OPCML: variants seen among roughly 807,000 people sequenced by gnomAD.
OPCML encodes the protein opioid-binding protein/cell adhesion molecule.
A neutral mutation model predicts 37.8 loss-of-function variants in OPCML; 13 were observed. That is an observed-to-expected ratio of 0.34 (90% CI 0.22 to 0.55). OPCML has a LOEUF of 0.55. OPCML is among the 20% of genes least tolerant of loss of function. OPCML has a pLI of 0.91. For missense variants in OPCML, 341 were observed against 435.6 expected (o/e 0.78, Z 1.93); for synonymous variants, 176 against 168.8 (o/e 1.04, Z -0.33).
chr11:133,412,155 A>C (rs1945665292), intron 1 of OPCML, among the ~76,000 whole-genome samples: 1 of 152,238 alleles, frequency 6.6e-6, no homozygotes, highest in South Asian at 2.1e-4. Flanking sequence ...CTCTGGAACT[A>C]GTAACTCCAA....
At chr11:133,500,865 G>T (rs1030084597) in intron 1 of OPCML, among the ~76,000 whole-genome samples, 7 of 152,152 alleles carry the variant, frequency 4.6e-5, no homozygotes, top group African/African-American at 1.7e-4. Context: ...AAGAAGGCAG[G>T]AAAGTAGAGA....
intron 2 of OPCML, among the ~76,000 whole-genome samples, chr11:132,812,093 C>A (rs1054126073): frequency 6.6e-6 from 1 of 152,172 alleles, no homozygotes; most frequent in African/African-American, 2.4e-5. Flanking sequence ...TGTGCACCAG[C>A]TTCTTCAGGG....
At chr11:132,845,433 G>A (rs1941484100) in intron 2 of OPCML, among the ~76,000 whole-genome samples, 1 of 152,146 alleles carries the variant, frequency 6.6e-6, no homozygotes, top group South Asian at 2.1e-4. Flanking sequence ...TTAAAAATCT[G>A]TGGAATCATT....
chr11:132,640,770 C>T (rs938217507), intron 3 of OPCML, among the ~76,000 whole-genome samples: 1 of 152,096 alleles, frequency 6.6e-6, no homozygotes, highest in African/African-American at 2.4e-5. Flanking sequence ...AAAGCCTGAG[C>T]TCATATGACA....
chr11:132,762,218 C>T (rs572429548), intron 2 of OPCML, among the ~76,000 whole-genome samples: 1 of 152,314 alleles, frequency 6.6e-6, no homozygotes, highest in East Asian at 1.9e-4. Flanking sequence ...AAGATGCCAG[C>T]TGGAGCTCTC....
At chr11:132,656,096 C>T (rs1436707779) in intron 3 of OPCML, among the ~76,000 whole-genome samples, 1 of 152,118 alleles carries the variant, frequency 6.6e-6, no homozygotes, top group African/African-American at 2.4e-5. Flanking sequence ...CCACCCGAAC[C>T]TTTCATTTGG....
At chr11:132,523,534 C>A (rs866846258) in intron 4 of OPCML, among the ~76,000 whole-genome samples, 1 of 145,610 alleles carries the variant, frequency 6.9e-6, no homozygotes, top group African/African-American at 2.5e-5. Context: ...AGAAGAAATG[C>A]GGCTGCTAAA....
chr11:133,480,057 A>G (rs1406945393), intron 1 of OPCML, among the ~76,000 whole-genome samples: 1 of 152,132 alleles, frequency 6.6e-6, no homozygotes, highest in Non-Finnish European at 1.5e-5. Flanking sequence ...CATTCTGTGG[A>G]CCCCAATCCA....
intron 1 of OPCML, among the ~76,000 whole-genome samples, chr11:133,439,719 G>C (rs1051901692): frequency 3.3e-5 from 5 of 152,022 alleles, no homozygotes; most frequent in South Asian, 2.1e-4. Flanking sequence ...CACCCGCCTT[G>C]GCCTCCCAAA....
chr11:133,306,437 A>C (rs1014930697), intron 1 of OPCML, among the ~76,000 whole-genome samples: 1 of 152,138 alleles, frequency 6.6e-6, no homozygotes, highest in African/African-American at 2.4e-5. Flanking sequence ...TGACGCGGTC[A>C]CTCTAAAATT....
intron 1 of OPCML, among the ~76,000 whole-genome samples, chr11:133,201,234 A>G (rs940633108): frequency 1.3e-5 from 2 of 152,064 alleles, no homozygotes; most frequent in East Asian, 1.9e-4. Context: ...CCCAGGACAC[A>G]CAATTTAGCC....
At chr11:133,068,794 T>C (rs1300578880) in intron 1 of OPCML, among the ~76,000 whole-genome samples, 1 of 152,216 alleles carries the variant, frequency 6.6e-6, no homozygotes, top group Non-Finnish European at 1.5e-5. Flanking sequence ...TAGCCCCAGT[T>C]CTTCACAGAT....
intron 4 of OPCML, among the ~76,000 whole-genome samples, chr11:132,508,109 G>T (rs895770641): frequency 6.6e-6 from 1 of 152,002 alleles, no homozygotes; most frequent in Non-Finnish European, 1.5e-5. Flanking sequence ...AATAAAAATG[G>T]CAAAGTAACC....
Position 133,047,150 on chromosome 11 carries a change from C to T in OPCML, c.62-104140G>A, listed in dbSNP as rs567879166. On this transcript the variant is annotated intron_variant, in intron 1 of 7. Coordinates refer to ENST00000524381, the MANE Select transcript of OPCML (RefSeq NM_001012393.5). ...TCAGGAGAACAAAATCTGAACATGG[C>T]TTCACGTGGCCCCGTGTGGAAATAT... Among the ~76,000 whole-genome samples, 9 of 152,300 alleles carry T rather than the reference C, an allele frequency of 5.9e-5. No homozygotes were observed. The South Asian group carries it at 1.7e-3, about 28-fold the overall frequency.
chr11:133,483,921 T>C (rs1453525356), intron 1 of OPCML, among the ~76,000 whole-genome samples: 1 of 151,388 alleles, frequency 6.6e-6, no homozygotes, highest in Non-Finnish European at 1.5e-5. Flanking sequence ...GATAGATTCA[T>C]AGATGAAAGA....
chr11:132,717,182 C>G (rs1256916508), intron 2 of OPCML, among the ~76,000 whole-genome samples: 2 of 152,096 alleles, frequency 1.3e-5, no homozygotes, highest in African/African-American at 4.8e-5. Flanking sequence ...CTATTGTGAC[C>G]ACTTTGTTAT....
At chr11:133,399,304 C>G (rs1945351657) in intron 1 of OPCML, among the ~76,000 whole-genome samples, 1 of 152,076 alleles carries the variant, frequency 6.6e-6, no homozygotes, top group Non-Finnish European at 1.5e-5. Flanking sequence ...ATAAGATGGG[C>G]CTGGGTTTGA....
At chr11:133,364,285 T>A (rs1944490891) in intron 1 of OPCML, among the ~76,000 whole-genome samples, 1 of 152,204 alleles carries the variant, frequency 6.6e-6, no homozygotes, top group Non-Finnish European at 1.5e-5. Context: ...GGACCTTTAC[T>A]AAATTCTAGC....
At chr11:133,042,373 A>G (rs1947919261) in intron 1 of OPCML, among the ~76,000 whole-genome samples, 1 of 152,052 alleles carries the variant, frequency 6.6e-6, no homozygotes, top group Admixed American at 6.5e-5. Context: ...CGATGAATAA[A>G]CCCTTTGACA....
Sources: allele counts gnomAD v4.1 joint callset (sites outside exome capture counted in the v4.1 genomes callset), GRCh38; gene constraint gnomAD v4.1.1; transcripts MANE v1.5; gene names NCBI Gene and HGNC (gene_info 2026-07-23, HGNC 2026-07-21).